The following MYO5B variants were observed in gnomAD, a reference collection of about 807,000 sequenced individuals.
MYO5B encodes myosin VB, also known as unconventional myosin-Vb.
Under a neutral mutation model 229.3 loss-of-function variants are expected in MYO5B, and 143 were observed. The ratio of observed to expected loss-of-function variants is 0.62; its 90% CI spans 0.54 to 0.72. The LOEUF (loss-of-function observed/expected upper bound fraction) is 0.72, where lower values mean the gene tolerates loss of function less well. Ranked by LOEUF, MYO5B falls within the 30% of genes least tolerant of loss-of-function variation. MYO5B has a pLI of 0.00. For missense variants in MYO5B, 2,321 were observed against 2,331.0 expected, an observed-to-expected ratio of 1.00 and a Z score of 0.09; for synonymous variants, 918 against 885.2, an observed-to-expected ratio of 1.04 and a Z score of -0.66.
chr18:50,163,860 T>C (rs1326710870), intron 1 of MYO5B, among the ~76,000 whole-genome samples: 1 of 152,226 alleles, frequency 6.6e-6, no homozygotes, highest in Non-Finnish European at 1.5e-5. Flanking sequence ...ATTATGCAAA[T>C]GTTAATTTGC....
intron 8 of MYO5B, among the ~76,000 whole-genome samples, chr18:49,984,425 G>A (rs7235628): frequency 6.6e-6 from 1 of 152,196 alleles, no homozygotes; most frequent in South Asian, 2.1e-4. Context: ...CACTTGCTTT[G>A]CCTCCGTTGG....
intron 4 of MYO5B, among the ~76,000 whole-genome samples, chr18:50,030,589 A>G (rs1187896867): frequency 6.6e-6 from 1 of 152,110 alleles, no homozygotes; most frequent in African/African-American, 2.4e-5. Flanking sequence ...ACCACTAACT[A>G]GAATCCCTAT....
At chr18:50,163,109 G>A (rs1009047671) in intron 1 of MYO5B, among the ~76,000 whole-genome samples, 1 of 152,192 alleles carries the variant, frequency 6.6e-6, no homozygotes, top group Admixed American at 6.5e-5. Context: ...TGCTACCAAG[G>A]TTGCCAGCTT....
chr18:49,921,714 G>T (rs1377998655), intron 17 of MYO5B, among the ~76,000 whole-genome samples: 1 of 152,148 alleles, frequency 6.6e-6, no homozygotes, highest in African/African-American at 2.4e-5. Flanking sequence ...GGGAAGGGGG[G>T]TAAGAATTCC....
Position 49,984,422 on chromosome 18 carries a change from TTTGCCTCCG to T in MYO5B, c.946+287_946+295del, listed in dbSNP as rs2025849212. Among the ~76,000 whole-genome samples, 4 of 152,334 alleles carry T rather than the reference TTTGCCTCCG, an allele frequency of 2.6e-5. No homozygotes were observed. The South Asian group carries it at 8.3e-4, about 32-fold the overall frequency. ...CACGAGAAGACGTGGCTACACTTGC[TTTGCCTCCG>T]TTGGTTCCAACAGCCTGCACGAGTG... is the stretch of plus-strand genomic sequence containing the variant. On this transcript the variant is annotated intron_variant, in intron 8 of 39. Transcript: ENST00000285039.
intron 1 of MYO5B, among the ~76,000 whole-genome samples, chr18:50,145,632 T>C (rs2032490216): frequency 6.6e-6 from 1 of 151,676 alleles, no homozygotes; most frequent in South Asian, 2.1e-4. Flanking sequence ...ATAAGAAGTA[T>C]ATTTTTCCAT....
At chr18:50,019,446 C>T (rs759343366) in intron 4 of MYO5B, among the ~76,000 whole-genome samples, 7 of 152,212 alleles carry the variant, frequency 4.6e-5, no homozygotes, top group African/African-American at 1.7e-4. Context: ...TCCTCTATTT[C>T]GGATCTATCT....
chr18:49,827,196 T>C (rs9955651), intron 39 of MYO5B, among the ~76,000 whole-genome samples: 3,789 of 152,308 alleles, frequency 0.025, 142 homozygotes, highest in South Asian at 0.12. Flanking sequence ...GGGAGACTGA[T>C]TGGTAAAGGG....
intron 1 of MYO5B, among the ~76,000 whole-genome samples, chr18:50,176,926 C>G (rs1371784618): frequency 6.6e-6 from 1 of 152,196 alleles, no homozygotes; most frequent in Non-Finnish European, 1.5e-5. Context: ...TTTATGGTTA[C>G]ATCTGAAGTC....
intron 1 of MYO5B, among the ~76,000 whole-genome samples, chr18:50,091,360 T>C (rs536167518): frequency 6.6e-6 from 1 of 152,310 alleles, no homozygotes; most frequent in South Asian, 2.1e-4. Context: ...ATCTGCAAAG[T>C]CTCTGAGAGC....
intron 1 of MYO5B, among the ~76,000 whole-genome samples, chr18:50,190,486 G>A (rs2033211753): frequency 6.6e-6 from 1 of 152,222 alleles, no homozygotes; most frequent in South Asian, 2.1e-4. Flanking sequence ...CCCTGAAAGT[G>A]TCTGGCACTG....
chr18:50,000,452 G>C (rs2026033706), intron 5 of MYO5B, among the ~76,000 whole-genome samples: 1 of 152,184 alleles, frequency 6.6e-6, no homozygotes, highest in East Asian at 1.9e-4. Flanking sequence ...CAACAACAAA[G>C]AGCTTTAGCT....
At chr18:50,190,159 TA>T (rs1198720077) in intron 1 of MYO5B, among the ~76,000 whole-genome samples, 1 of 152,228 alleles carries the variant, frequency 6.6e-6, no homozygotes, top group Non-Finnish European at 1.5e-5. Flanking sequence ...TAGCAGTATT[TA>T]AATTTTTTGT....
At chr18:50,193,229 T>C (rs1165494582) in intron 1 of MYO5B, among the ~76,000 whole-genome samples, 1 of 152,222 alleles carries the variant, frequency 6.6e-6, no homozygotes, top group Non-Finnish European at 1.5e-5. Flanking sequence ...TGGGGTGCCG[T>C]TCCAGGGCCA....
intron 4 of MYO5B, among the ~76,000 whole-genome samples, chr18:50,021,808 G>C (rs531596166): frequency 2.6e-5 from 4 of 151,340 alleles, no homozygotes; most frequent in Non-Finnish European, 4.4e-5. Flanking sequence ...CTCTAGACCA[G>C]ATTTCTTACT....
At chr18:49,887,120 C>G (rs890924263) in intron 22 of MYO5B, among the ~76,000 whole-genome samples, 4 of 152,194 alleles carry the variant, frequency 2.6e-5, no homozygotes, top group Admixed American at 6.5e-5. Context: ...GTGTAGGTGG[C>G]ATACATGCTG....
chr18:50,102,267 G>A lies in MYO5B; in HGVS notation c.28-46889C>T, dbSNP rs144623689. Among the ~76,000 whole-genome samples, 40 of 151,986 alleles carry A rather than the reference G, an allele frequency of 2.6e-4. No individual in the cohort carries two copies. The East Asian group carries it at 7.0e-3, about 27-fold the overall frequency. ...ACTGTTGTGGGGCGAGGGGAGAGAC[G>A]AGTTAATAGGTACACCGAACCACCA... On this transcript the variant is annotated intron_variant, in intron 1 of 39. Transcript: ENST00000285039.
rs926949965 is a variant in MYO5B at position 49,826,102 on chromosome 18, A to G, written c.*369T>C. 1.4e-5 allele frequency: 4 copies of G among 280,334 alleles called. No homozygotes were observed. The highest frequency in any genetic ancestry group is 4.9e-5 in the Admixed American group (1 of 20,392). 17.4% of individuals were successfully genotyped at this position (280,334 alleles called of 1,614,324 possible). A position where few individuals can be genotyped will look rare whatever the true frequency, so the allele number is the denominator to read the frequency against. ...AAGGCAATTTATGTGACTTATATAT[A>G]TTTGGTATTTTAATTTGGACATTCT... On this transcript the variant is annotated 3_prime_UTR_variant, in exon 40 of 40. Transcript: ENST00000285039.
chr18:50,101,662 G>A (rs893893199), intron 1 of MYO5B, among the ~76,000 whole-genome samples: 2 of 152,126 alleles, frequency 1.3e-5, no homozygotes, highest in Non-Finnish European at 2.9e-5. Context: ...ACGGATTAGC[G>A]AAATGCAAAT....
Sources: allele counts gnomAD v4.1 joint callset (sites outside exome capture counted in the v4.1 genomes callset), GRCh38; gene constraint gnomAD v4.1.1; transcripts MANE v1.5; gene names NCBI Gene and HGNC (gene_info 2026-07-23, HGNC 2026-07-21).